The following IMPG2 variants were observed in gnomAD, a reference collection of about 807,000 sequenced individuals.
IMPG2 encodes the protein IPM 200.
In IMPG2, 91 loss-of-function variants were observed where a neutral mutation model predicts 129.2. The observed-to-expected ratio is 0.70, with a 90% CI of 0.59 to 0.84. The LOEUF (loss-of-function observed/expected upper bound fraction) is 0.84. IMPG2 is among the 40% of genes least tolerant of loss of function. The pLI, the probability that IMPG2 is intolerant of heterozygous loss-of-function variation, is 0.00. For missense variants in IMPG2, 1,430 were observed against 1,461.7 expected (o/e 0.98, Z 0.35); for synonymous variants, 510 against 517.7 (o/e 0.99, Z 0.20).
intron 9 of IMPG2, among the ~76,000 whole-genome samples, chr3:101,258,206 T>C (rs143598159): frequency 1.8e-4 from 28 of 152,270 alleles, no homozygotes; most frequent in African/African-American, 5.8e-4. Context: ...TTAGACAAAT[T>C]ATGTACTGGA....
intron 9 of IMPG2, among the ~76,000 whole-genome samples, chr3:101,258,479 G>A (rs964212166): frequency 4.6e-5 from 7 of 152,046 alleles, no homozygotes; most frequent in African/African-American, 1.7e-4. Flanking sequence ...ACCCTCCAGG[G>A]CATTAACCAA....
chr3:101,273,605 G>T lies in IMPG2; in HGVS notation c.804C>A (p.His268Gln). The T allele has an allele frequency of 1.2e-6, 2 of 1,613,944 alleles. No homozygotes were observed. Among genetic ancestry groups the T allele is most frequent in the Non-Finnish European group, 1.7e-6 (2 of 1,179,978 alleles). ...CCTCTGAAATAAATTCTTCTTCAAG[G>T]TGCTGGTGGTGAAAGCTGGAGGAAT... ...LQDSSSFHHQ[H>Q]LEEEFISEVE... Residue 268 changes from histidine to glutamine, a missense_variant, in exon 7 of 19, where the codon CAC (histidine) becomes CAA (glutamine). Coordinates refer to ENST00000193391, the MANE Select transcript of IMPG2 (RefSeq NM_016247.4).
intron 10 of IMPG2, among the ~76,000 whole-genome samples, chr3:101,255,377 T>A (rs1021140274): frequency 4.6e-5 from 7 of 152,126 alleles, no homozygotes; most frequent in Non-Finnish European, 1.0e-4. Flanking sequence ...TCTAAGAAAG[T>A]TGTTTACCTC....
chr3:101,230,834 T>C (rs1706277321), intron 16 of IMPG2, 123 bp downstream of exon 16: 1 of 825,192 alleles, frequency 1.2e-6, no homozygotes, highest in Non-Finnish European at 2.0e-6. Context: ...CATGTGTTTA[T>C]TCAAATTCAT....
rs144871690 is a variant in IMPG2, at chr3:101,306,239, C to T, written c.335-1927G>A. Among the ~76,000 whole-genome samples, 158 of 152,254 alleles carry T rather than the reference C, an allele frequency of 1.0e-3. 1 individual carries two copies. Among genetic ancestry groups the T allele is most frequent in the African/African-American group, 3.5e-3 (144 of 41,550 alleles). ...CTACATGAATATCATATGTTATTAT[C>T]GTGTTCAATTCTAATTGTCCAATAG... On this transcript the variant is annotated intron_variant, in intron 2 of 18. Transcript: ENST00000193391.
chr3:101,289,501 C>T (rs1437465243), intron 4 of IMPG2, among the ~76,000 whole-genome samples: 1 of 151,804 alleles, frequency 6.6e-6, no homozygotes, highest in Non-Finnish European at 1.5e-5. Context: ...TGTTAAAATG[C>T]TATTACATGT....
chr3:101,287,780 T>C (rs1446296088), intron 4 of IMPG2, among the ~76,000 whole-genome samples: 1 of 152,150 alleles, frequency 6.6e-6, no homozygotes, highest in Non-Finnish European at 1.5e-5. Flanking sequence ...CCTCAAACTA[T>C]AAAAATTCTA....
Position 101,280,652 on chromosome 3 carries a change from T to A in IMPG2, c.534-3939A>T, listed in dbSNP as rs191256276. On this transcript the variant is annotated intron_variant, in intron 4 of 18. Coordinates refer to ENST00000193391, the MANE Select transcript of IMPG2 (RefSeq NM_016247.4). Reference sequence around the variant, plus strand: ...AACAGAATAAAACATTTGCTGAAAATATATATATATAGGCCAGGCACAGTG... The same window carrying A: ...AACAGAATAAAACATTTGCTGAAAAAATATATATATAGGCCAGGCACAGTG... 5.3e-3 allele frequency among the ~76,000 whole-genome samples: 801 copies of A among 151,784 alleles called. 2 individuals are homozygous for A. Among genetic ancestry groups the A allele is most frequent in the Middle Eastern group, 0.01 (3 of 294 alleles).
chr3:101,251,143 TCAGA>T (rs1706539880), intron 11 of IMPG2, among the ~76,000 whole-genome samples: 2 of 152,150 alleles, frequency 1.3e-5, no homozygotes, highest in Admixed American at 1.3e-4. Context: ...TTGAGTTTTA[TCAGA>T]CAGAGCGCAT....
In IMPG2 at chr3:101,229,417, A is replaced by G; in HGVS notation, c.3596T>C (p.Ile1199Thr). The change falls in exon 17 of 19, where the codon ATC becomes ACC. Residue 1199 changes from isoleucine (I) to threonine (T), a missense_variant. Ile to Thr is a moderately conservative substitution (Grantham distance 89). Transcript: ENST00000193391. ...DVIGGLSREE[I>T]RQMYESSELS... is the part of the protein sequence containing the mutation. ...CTCACTGCTCTCATACATCTGTCTGATTTCTTCTCTGCTCAGCCCACCAAT... is the reference window on the plus strand; with the variant it reads ...CTCACTGCTCTCATACATCTGTCTGGTTTCTTCTCTGCTCAGCCCACCAAT... The G allele has an allele frequency of 6.2e-7, 1 of 1,608,300 alleles. No homozygotes were observed. The highest frequency in any genetic ancestry group is 8.5e-7 in the Non-Finnish European group (1 of 1,178,416).
intron 2 of IMPG2, among the ~76,000 whole-genome samples, chr3:101,306,710 A>C (rs1352514503): frequency 6.6e-6 from 1 of 152,192 alleles, no homozygotes; most frequent in East Asian, 1.9e-4. Context: ...GAAAGAAAAA[A>C]TAAATCTCAA....
chr3:101,278,375 C>A (rs1056925569), intron 4 of IMPG2, among the ~76,000 whole-genome samples: 1 of 152,284 alleles, frequency 6.6e-6, no homozygotes, highest in Non-Finnish European at 1.5e-5. Flanking sequence ...CAGAGCCACA[C>A]ACTTTTAGAT....
Position 101,319,627 on chromosome 3 carries a change from A to G in IMPG2, c.291T>C (p.Val97=). ...NGVKICPDES[V]AEAVANHVKY... Reference sequence around the variant, plus strand: ...TCACATGATTTGCCACAGCCTCTGCAACACTTTCATCTGGGCAGATTTTCA... The same window carrying G: ...TCACATGATTTGCCACAGCCTCTGCGACACTTTCATCTGGGCAGATTTTCA... The change falls in exon 2 of 19, where the codon GTT becomes GTC. Residue 97 remains valine, a synonymous_variant. Transcript: ENST00000193391. 6.2e-7 allele frequency: 1 copy of G among 1,613,734 alleles called. No individual in the cohort carries two copies. Among genetic ancestry groups the G allele is most frequent in the Non-Finnish European group, 8.5e-7 (1 of 1,179,798 alleles).
In IMPG2 at chr3:101,224,304, G is replaced by T. The variant is rs1706198186; in HGVS notation, c.*2665C>A. 1 of 152,022 alleles carries T rather than the reference G, an allele frequency of 6.6e-6. No homozygotes were observed. Among genetic ancestry groups the T allele is most frequent in the African/African-American group, 2.4e-5 (1 of 41,378 alleles). The allele number at this position is 152,022 out of a possible 1,614,324, so 9.4% of individuals were successfully genotyped here. A position where few individuals can be genotyped will look rare whatever the true frequency, so the allele number is the denominator to read the frequency against. Reference sequence around the variant, plus strand: ...TAGTGTATATAATTCAATTATAAAGGCTACATCTGTAAAACACCACAGTAT... The same window carrying T: ...TAGTGTATATAATTCAATTATAAAGTCTACATCTGTAAAACACCACAGTAT... On this transcript the variant is annotated 3_prime_UTR_variant, in exon 19 of 19. Coordinates refer to ENST00000193391, the MANE Select transcript of IMPG2 (RefSeq NM_016247.4).
Position 101,233,005 on chromosome 3 carries a change from C to A in IMPG2, c.3023-14G>T, listed in dbSNP as rs748389271. ...TGGCTTCATCACCTAAAACATTAAA[C>A]AAAGAATAATGCAAGAAAAGGCAAA... On this transcript the variant is annotated splice_polypyrimidine_tract_variant and intron_variant, in intron 14 of 18. Transcript: ENST00000193391. 1.9e-6 allele frequency: 3 copies of A among 1,612,932 alleles called. No individual in the cohort carries two copies. The highest frequency in any genetic ancestry group is 2.2e-5 in the South Asian group (2 of 91,066).
In IMPG2 at chr3:101,296,698, A is replaced by ATT. The variant is rs60904070; in HGVS notation, c.502-5190_502-5189dup. On this transcript the variant is annotated intron_variant, in intron 3 of 18. Coordinates refer to ENST00000193391, the MANE Select transcript of IMPG2 (RefSeq NM_016247.4). ...GGCTGTGAATCCATCTGGTCCCAGGATTTTTTTTTTGGTTGGTAGACTATT... is the reference window on the plus strand; with the variant it reads ...GGCTGTGAATCCATCTGGTCCCAGGATTTTTTTTTTTTGGTTGGTAGACTATT... Among the ~76,000 whole-genome samples the ATT allele has an allele frequency of 8.2e-4, 123 of 149,852 alleles. No individual in the cohort carries two copies. In the South Asian group the frequency reaches 0.017, roughly 20 times the overall value.
rs1553682324 is a variant in IMPG2, at chr3:101,256,217, G to GAAAGAAAGAACGAACA, written c.1153+1311_1153+1312insTGTTCGTTCTTTCTTT. Among the ~76,000 whole-genome samples, 193 of 138,274 alleles carry GAAAGAAAGAACGAACA rather than the reference G, an allele frequency of 1.4e-3. 2 individuals are homozygous for GAAAGAAAGAACGAACA. Among genetic ancestry groups the GAAAGAAAGAACGAACA allele is most frequent in the African/African-American group, 5.1e-3 (185 of 36,502 alleles). 90.7% of individuals were successfully genotyped at this position (138,274 alleles called of 152,430 possible). A position where few individuals can be genotyped will look rare whatever the true frequency, so the allele number is the denominator to read the frequency against. ...AGAAAGAAAGAAAGAAAGAAAGAAA[G>GAAAGAAAGAACGAACA]AAAAAAATATCTTATTTGGGAAATA... On this transcript the variant is annotated intron_variant, in intron 10 of 18. Transcript: ENST00000193391.
intron 14 of IMPG2, among the ~76,000 whole-genome samples, chr3:101,235,528 T>C (rs555608474): frequency 1.9e-4 from 29 of 152,318 alleles, no homozygotes; most frequent in African/African-American, 6.3e-4. Flanking sequence ...AGGAAAAAGA[T>C]ATAGCCATAG....
At position 101,289,547 on chromosome 3, in the gene IMPG2, T is replaced by C. The variant is rs150813629; in HGVS notation, c.533+1932A>G. Among the ~76,000 whole-genome samples the C allele has an allele frequency of 5.3e-3, 805 of 152,204 alleles. 7 individuals are homozygous for C. The highest frequency in any genetic ancestry group is 8.2e-3 in the Non-Finnish European group (558 of 68,020). ...TAGTCAGGCAACAAATATGGAAATATAATGGCTCAAGGGTACTCTAAAAAA... is the reference window on the plus strand; with the variant it reads ...TAGTCAGGCAACAAATATGGAAATACAATGGCTCAAGGGTACTCTAAAAAA... On this transcript the variant is annotated intron_variant, in intron 4 of 18. Transcript: ENST00000193391.
Sources: gnomAD v4.1 joint callset for allele counts (sites outside exome capture counted in the v4.1 genomes callset) on GRCh38, gnomAD v4.1.1 for gene constraint, MANE v1.5 for transcripts, NCBI Gene and HGNC (gene_info 2026-07-23, HGNC 2026-07-21) for gene names.